Variants in NEMP2 observed in about 807,000 individuals in gnomAD.
NEMP2 encodes nuclear envelope integral membrane protein 2, also known as UPF0571 transmembrane protein.
NEMP2 carries 53 observed loss-of-function variants against 54.2 expected under a neutral mutation model. The ratio of observed to expected loss-of-function variants is 0.98; its 90% CI spans 0.78 to 1.23. The LOEUF (loss-of-function observed/expected upper bound fraction) is 1.23, where lower values mean the gene tolerates loss of function less well. Ranked by LOEUF, NEMP2 falls within the 50% of genes most tolerant of loss-of-function variation. The probability of loss-of-function intolerance (pLI) is 0.00; values close to 1 mark genes in which losing one functional copy is unlikely to be tolerated. For synonymous variants in NEMP2, 197 were observed against 190.3 expected (o/e 1.04, Z -0.29); for missense variants, 455 against 511.3 (o/e 0.89, Z 1.06).
chr2:190,620,238 T>C, the NEMP2 span: 1 of 152,154 alleles, frequency 6.6e-6, no homozygotes, highest in African/African-American at 2.4e-5. The surrounding 1 kb of genome is among the most constrained non-coding windows in gnomAD (Gnocchi z 4.9). Flanking sequence ...ATATGCACTA[T>C]CAAAATTCAT....
the NEMP2 span, among the ~76,000 whole-genome samples, chr2:190,561,003 A>G: frequency 1.3e-5 from 2 of 152,342 alleles, no homozygotes; most frequent in African/African-American, 4.8e-5. This position sits in a 1 kb window ranked among gnomAD's most constrained non-coding sequence, Gnocchi z 5.4. Context: ...TTTATACACT[A>G]TGTTAATATT....
At chr2:190,536,242 AAC>A (rs1559173832), upstream of NEMP2, among the ~76,000 whole-genome samples, 2 of 152,118 alleles carry the variant, frequency 1.3e-5, no homozygotes, top group Non-Finnish European at 2.9e-5. Flanking sequence ...AACCTCTCCA[AAC>A]TTTTCTTCTG....
the NEMP2 span, among the ~76,000 whole-genome samples, chr2:190,561,481 G>C: frequency 2.0e-5 from 3 of 152,050 alleles, no homozygotes. This position sits in a 1 kb window ranked among gnomAD's most constrained non-coding sequence, Gnocchi z 5.4. Context: ...CTGTCTTCAC[G>C]TGGTCTTTTT....
chr2:190,542,811 A>C, the NEMP2 span, among the ~76,000 whole-genome samples: 3 of 152,196 alleles, frequency 2.0e-5, no homozygotes, highest in Non-Finnish European at 4.4e-5. This position sits in a 1 kb window ranked among gnomAD's most constrained non-coding sequence, Gnocchi z 4.6. Flanking sequence ...GAGATCACTA[A>C]GTTTCCCTAA....
the NEMP2 span, among the ~76,000 whole-genome samples, chr2:190,442,181 A>T: frequency 1.3e-5 from 2 of 152,316 alleles, no homozygotes; most frequent in South Asian, 4.1e-4. Context: ...CTCATAGTAA[A>T]TTTGGAATTA....
At position 190,509,050 on chromosome 2, in the gene NEMP2, C is replaced by T; in HGVS notation, c.*139G>A. ...GTTATCTTCAAAATGGGTTGGTTTCCCTTTCCAGACTGACTTGTTTTTCTC... is the reference window on the plus strand; with the variant it reads ...GTTATCTTCAAAATGGGTTGGTTTCTCTTTCCAGACTGACTTGTTTTTCTC... On this transcript the variant is annotated 3_prime_UTR_variant, in exon 9 of 9. Transcript: ENST00000409150. The surrounding 1 kb of genome is among the most constrained non-coding windows in gnomAD (Gnocchi z 6.1). 7.4e-7 allele frequency: 1 copy of T among 1,354,642 alleles called. No homozygotes were observed. Among genetic ancestry groups the T allele is most frequent in the Non-Finnish European group, 9.8e-7 (1 of 1,021,492 alleles). The allele number at this position is 1,354,642 out of a possible 1,614,324, so 83.9% of individuals were successfully genotyped here.
the NEMP2 span, among the ~76,000 whole-genome samples, chr2:190,558,528 T>A: frequency 6.6e-6 from 1 of 152,240 alleles, no homozygotes; most frequent in Admixed American, 6.5e-5. This position sits in a 1 kb window ranked among gnomAD's most constrained non-coding sequence, Gnocchi z 4.4. Flanking sequence ...GCTATTTAGA[T>A]ACTAAAAGAA....
the NEMP2 span, among the ~76,000 whole-genome samples, chr2:190,435,723 T>C: frequency 1.3e-5 from 2 of 152,204 alleles, no homozygotes; most frequent in Non-Finnish European, 2.9e-5. Context: ...ATGAAAAGAC[T>C]GGGAATGAAT....
chr2:190,426,679 G>T, the NEMP2 span, among the ~76,000 whole-genome samples: 2 of 152,048 alleles, frequency 1.3e-5, no homozygotes, highest in Non-Finnish European at 2.9e-5. The surrounding 1 kb of genome is among the most constrained non-coding windows in gnomAD (Gnocchi z 4.7). Flanking sequence ...CCAAATGATG[G>T]TTGTTTTCAA....
At chr2:190,517,646 T>G (rs1690608483) in intron 4 of NEMP2, 33 bp from the exon 5 acceptor site, 2 of 1,463,000 alleles carry the variant, frequency 1.4e-6, no homozygotes, top group East Asian at 5.0e-5. Context: ...GCTATTTAAA[T>G]GCCAAAAAGC....
the NEMP2 span, among the ~76,000 whole-genome samples, chr2:190,577,662 G>T: frequency 6.6e-6 from 1 of 152,162 alleles, no homozygotes; most frequent in Non-Finnish European, 1.5e-5. The surrounding 1 kb of genome is among the most constrained non-coding windows in gnomAD (Gnocchi z 4.8). Flanking sequence ...GATCACCTGA[G>T]GTCAGGAGTT....
In NEMP2 at chr2:190,528,385, C is replaced by T. The variant is rs535726390; in HGVS notation, c.98-3007G>A. On this transcript the variant is annotated intron_variant, in intron 1 of 8. Coordinates refer to ENST00000409150, the MANE Select transcript of NEMP2 (RefSeq NM_001142645.2). The surrounding 1 kb of genome is among the most constrained non-coding windows in gnomAD (Gnocchi z 4.3). ...TTGTCATGTTCTGCCTTTGCACAGC[C>T]TCCTCGGGGGGGTCTCTAAGCATGG... 6.6e-6 allele frequency among the ~76,000 whole-genome samples: 1 copy of T among 152,300 alleles called. No individual in the cohort carries two copies. The highest frequency in any genetic ancestry group is 6.5e-5 in the Admixed American group (1 of 15,304).
the NEMP2 span, among the ~76,000 whole-genome samples, chr2:190,496,932 G>A: frequency 6.6e-6 from 1 of 152,000 alleles, no homozygotes; most frequent in Admixed American, 6.6e-5. The surrounding 1 kb of genome is among the most constrained non-coding windows in gnomAD (Gnocchi z 4.7). Context: ...AAGGGGTGAG[G>A]GATACAAGAC....
At chr2:190,548,577 AG>A in the NEMP2 span, among the ~76,000 whole-genome samples, 3 of 152,218 alleles carry the variant, frequency 2.0e-5, no homozygotes, top group Non-Finnish European at 2.9e-5. Context: ...TGCTGTATAT[AG>A]TAAGTACTGA....
the NEMP2 span, chr2:190,435,776 A>G: frequency 2.4e-6 from 1 of 413,606 alleles, no homozygotes; most frequent in Non-Finnish European, 4.3e-6. Context: ...TTAGTCAGTC[A>G]GTGGCCATAA....
At chr2:190,548,808 C>T in the NEMP2 span, among the ~76,000 whole-genome samples, 1 of 152,204 alleles carries the variant, frequency 6.6e-6, no homozygotes, top group Non-Finnish European at 1.5e-5. Flanking sequence ...GTAGCCATCA[C>T]CCAAATCAAG....
chr2:190,600,906 A>G, the NEMP2 span, among the ~76,000 whole-genome samples: 1 of 152,156 alleles, frequency 6.6e-6, no homozygotes, highest in African/African-American at 2.4e-5. The surrounding 1 kb of genome is among the most constrained non-coding windows in gnomAD (Gnocchi z 4.9). Context: ...TGTGTTCCCC[A>G]GCCCTGGCGG....
chr2:190,618,826 GC>G, the NEMP2 span, among the ~76,000 whole-genome samples: 2 of 152,228 alleles, frequency 1.3e-5, no homozygotes, highest in East Asian at 1.9e-4. Flanking sequence ...CGATCTCCCT[GC>G]CTTGGCCTCC....
the NEMP2 span, among the ~76,000 whole-genome samples, chr2:190,556,525 G>C: frequency 6.6e-6 from 1 of 152,198 alleles, no homozygotes; most frequent in Non-Finnish European, 1.5e-5. Context: ...ATTAGGAAGA[G>C]AGGAAGTCAA....
Sources: allele counts gnomAD v4.1 joint callset (sites outside exome capture counted in the v4.1 genomes callset), GRCh38; gene constraint gnomAD v4.1.1; non-coding constraint Gnocchi (gnomAD v3.1); transcripts MANE v1.5; gene names NCBI Gene and HGNC (gene_info 2026-07-23, HGNC 2026-07-21).